Variants in HYDIN observed in about 807,000 individuals in gnomAD.
HYDIN encodes HYDIN axonemal central pair apparatus protein, also known as axonemal central pair apparatus protein HYDIN.
A neutral mutation model predicts 403.9 loss-of-function variants in HYDIN; 132 were observed. That is an observed-to-expected ratio of 0.33 (90% CI 0.28 to 0.38). The LOEUF (loss-of-function observed/expected upper bound fraction) is 0.38. Among genes scored for constraint, HYDIN ranks in the 10% least tolerant of loss-of-function variants. HYDIN has a pLI of 1.00. For synonymous variants in HYDIN, 1,202 were observed against 1,891.7 expected (o/e 0.64, Z 9.46); for missense variants, 2,827 against 5,009.5 (o/e 0.56, Z 13.15).
Position 71,067,362 on chromosome 16 carries a change from T to C in HYDIN, c.2003A>G (p.Lys668Arg), listed in dbSNP as rs762835377. The C allele has an allele frequency of 1.2e-6, 2 of 1,612,328 alleles. No individual in the cohort carries two copies. The highest frequency in any genetic ancestry group is 1.7e-6 in the Non-Finnish European group (2 of 1,179,496). The change falls in exon 15 of 86, where the codon AAA becomes AGA. Residue 668 changes from lysine to arginine, a missense_variant. Transcript: ENST00000393567. ...RVTLCSNTVQ[K>R]YELALVVDVE... ...GTCCACCACGAGTGCCAGCTCGTATTTCTGCACAGTGTTGGAGCATAATGT... is the reference window on the plus strand; with the variant it reads ...GTCCACCACGAGTGCCAGCTCGTATCTCTGCACAGTGTTGGAGCATAATGT...
chr16:71,000,594 AC>A (rs1271352155), intron 23 of HYDIN, among the ~76,000 whole-genome samples: 1 of 152,078 alleles, frequency 6.6e-6, no homozygotes, highest in Non-Finnish European at 1.5e-5. Context: ...CTAAAGGCCT[AC>A]CCCGCTCCAT....
chr16:70,926,224 ATGATAGAC>A (rs1286220203), intron 45 of HYDIN, among the ~76,000 whole-genome samples: 2 of 151,386 alleles, frequency 1.3e-5, no homozygotes, highest in Non-Finnish European at 2.9e-5. Context: ...ATGTCCAACA[ATGATAGAC>A]TGGATTAAGA....
chr16:70,942,868 G>A (rs2077725446), intron 42 of HYDIN, among the ~76,000 whole-genome samples: 1 of 152,224 alleles, frequency 6.6e-6, no homozygotes, highest in Admixed American at 6.5e-5. Context: ...GGCCTTACCA[G>A]TGTTTCTCAG....
At chr16:70,872,942 C>T (rs111287063) in intron 64 of HYDIN, among the ~76,000 whole-genome samples, 1 of 125,578 alleles carries the variant, frequency 8.0e-6, no homozygotes, top group African/African-American at 3.2e-5. Context: ...ACCCACTCAC[C>T]TATCTACCCA....
chr16:71,016,886 C>T lies in HYDIN; in HGVS notation c.3644+1243G>A, dbSNP rs560432609. On this transcript the variant is annotated intron_variant, in intron 23 of 85. Coordinates refer to ENST00000393567, the MANE Select transcript of HYDIN (RefSeq NM_001270974.2). Reference sequence around the variant, plus strand: ...CCAGTCACGGGAAGATACTGCATGACGTGGTTTGGCTCTCTGTCCTCATCC... The same window carrying T: ...CCAGTCACGGGAAGATACTGCATGATGTGGTTTGGCTCTCTGTCCTCATCC... Among the ~76,000 whole-genome samples the T allele has an allele frequency of 7.4e-3, 1,128 of 152,034 alleles. 14 individuals are homozygous for T. Among genetic ancestry groups the T allele is most frequent in the African/African-American group, 0.025 (1,053 of 41,440 alleles).
At chr16:70,878,393 A>C (rs2040576084) in intron 62 of HYDIN, among the ~76,000 whole-genome samples, 1 of 142,574 alleles carries the variant, frequency 7.0e-6, no homozygotes, top group South Asian at 2.4e-4. Context: ...TTGGAGACCC[A>C]GGAATAAAGA....
chr16:71,098,707 C>T (rs1303412511), intron 10 of HYDIN, among the ~76,000 whole-genome samples: 1 of 149,016 alleles, frequency 6.7e-6, no homozygotes, highest in African/African-American at 2.5e-5. Flanking sequence ...AAAACTTTCT[C>T]CATCTGTTAC....
At chr16:71,096,620 TTTTAA>T (rs1376320600) in intron 10 of HYDIN, among the ~76,000 whole-genome samples, 1 of 149,240 alleles carries the variant, frequency 6.7e-6, no homozygotes, top group African/African-American at 2.5e-5. Flanking sequence ...TCCACTGAGT[TTTTAA>T]TTTGTTATTA....
chr16:71,220,767 A>G (rs1305389625), intron 1 of HYDIN, among the ~76,000 whole-genome samples: 1 of 152,228 alleles, frequency 6.6e-6, no homozygotes, highest in Admixed American at 6.5e-5. Flanking sequence ...TAAGGTATTT[A>G]ATTTTTTACA....
rs749971654 is a variant in HYDIN, at chr16:71,027,625, C to T, written c.3019G>A (p.Glu1007Lys). 5 of 1,613,648 alleles carry T rather than the reference C, an allele frequency of 3.1e-6. No individual in the cohort carries two copies. Among genetic ancestry groups the T allele is most frequent in the East Asian group, 2.2e-5 (1 of 44,838 alleles). Residue 1007 changes from glutamate to lysine, a missense_variant, in exon 20 of 86, where the codon GAA becomes AAA. By Grantham distance (56) the Glu-to-Lys change is moderately conservative. Coordinates refer to ENST00000393567, the MANE Select transcript of HYDIN (RefSeq NM_001270974.2). ...ACCCTGGGAGTAGCAGAATAGCCTT[C>T]GAGTATCACATCAATTGCCTGGCCT... ...YPGQAIDVIL[E>K]GYSATPRIVK...
intron 1 of HYDIN, among the ~76,000 whole-genome samples, chr16:71,187,354 T>C (rs2087204926): frequency 6.6e-6 from 1 of 152,130 alleles, no homozygotes; most frequent in Non-Finnish European, 1.5e-5. Context: ...AGATTCGAAA[T>C]AGCATGAGAT....
intron 84 of HYDIN, among the ~76,000 whole-genome samples, chr16:70,810,420 G>A (rs1465295323): frequency 2.0e-5 from 3 of 152,236 alleles, no homozygotes; most frequent in Non-Finnish European, 4.4e-5. Context: ...AGAACAGAAA[G>A]CATTTCTTAT....
At position 71,014,653 on chromosome 16, in the gene HYDIN, T is replaced by C. The variant is rs937073907; in HGVS notation, c.3644+3476A>G. 3.8e-5 allele frequency among the ~76,000 whole-genome samples: 5 copies of C among 133,216 alleles called. No individual in the cohort carries two copies. The South Asian group carries it at 1.1e-3, about 29-fold the overall frequency. 87.4% of individuals were successfully genotyped at this position (133,216 alleles called of 152,430 possible). A position where few individuals can be genotyped will look rare whatever the true frequency, so the allele number is the denominator to read the frequency against. Reference sequence around the variant, plus strand: ...CATATTGTTTTCCAGTGGATCGGAGTGTAAAAGGACATGGCCCCAGCAGTG... The same window carrying C: ...CATATTGTTTTCCAGTGGATCGGAGCGTAAAAGGACATGGCCCCAGCAGTG... On this transcript the variant is annotated intron_variant, in intron 23 of 85. Coordinates refer to ENST00000393567, the MANE Select transcript of HYDIN (RefSeq NM_001270974.2).
chr16:71,197,224 C>T (rs572063842), intron 1 of HYDIN, among the ~76,000 whole-genome samples: 1 of 152,208 alleles, frequency 6.6e-6, no homozygotes, highest in East Asian at 1.9e-4. Flanking sequence ...GTTCTGTTTC[C>T]CTAGAAAACC....
chr16:71,022,487 TC>T (rs957016519), intron 21 of HYDIN, among the ~76,000 whole-genome samples: 30 of 152,308 alleles, frequency 2.0e-4, no homozygotes, highest in African/African-American at 6.7e-4. Flanking sequence ...GAAAAATTCT[TC>T]CTATAGACAG....
intron 5 of HYDIN, among the ~76,000 whole-genome samples, chr16:71,173,353 T>C (rs1054530290): frequency 1.3e-5 from 2 of 152,196 alleles, no homozygotes; most frequent in Non-Finnish European, 2.9e-5. Flanking sequence ...AGTGGAACGG[T>C]AAGAAGGAAT....
chr16:71,127,269 T>G (rs2144505746), intron 9 of HYDIN, among the ~76,000 whole-genome samples: 1 of 148,130 alleles, frequency 6.8e-6, no homozygotes, highest in East Asian at 2.0e-4. Context: ...CATGATAGAT[T>G]CCATAAAGAC....
In HYDIN at chr16:70,858,013, T is replaced by C. The variant is rs2039139360; in HGVS notation, c.12130-143A>G. The C allele has an allele frequency of 8.7e-6, 11 of 1,269,694 alleles. No individual in the cohort carries two copies. In the South Asian group the frequency reaches 1.1e-4, roughly 12 times the overall value. The allele number at this position is 1,269,694 out of a possible 1,614,324, so 78.7% of individuals were successfully genotyped here. A position where few individuals can be genotyped will look rare whatever the true frequency, so the allele number is the denominator to read the frequency against. On this transcript the variant is annotated intron_variant, in intron 71 of 85. Coordinates refer to ENST00000393567, the MANE Select transcript of HYDIN (RefSeq NM_001270974.2). Reference sequence around the variant, plus strand: ...CCTTTCTATAGTCCATGTAAGGGCATGTAGGTGTGGCTGTACCAGAAATGT... The same window carrying C: ...CCTTTCTATAGTCCATGTAAGGGCACGTAGGTGTGGCTGTACCAGAAATGT...
intron 77 of HYDIN, among the ~76,000 whole-genome samples, chr16:70,836,441 C>T (rs1176832656): frequency 6.6e-6 from 1 of 152,210 alleles, no homozygotes; most frequent in African/African-American, 2.4e-5. Context: ...AGAGCTCTGG[C>T]TTCTTTACGG....
Sources: allele counts gnomAD v4.1 joint callset (sites outside exome capture counted in the v4.1 genomes callset), GRCh38; gene constraint gnomAD v4.1.1; transcripts MANE v1.5; gene names NCBI Gene and HGNC (gene_info 2026-07-23, HGNC 2026-07-21).